Variants in NFIB observed in about 807,000 individuals in gnomAD.
NFIB encodes nuclear factor 1 B-type.
In NFIB, 11 loss-of-function variants were observed where a neutral mutation model predicts 61.5. The ratio of observed to expected loss-of-function variants is 0.18; its 90% CI spans 0.11 to 0.30. NFIB has a LOEUF of 0.30. Among genes scored for constraint, NFIB ranks in the 10% least tolerant of loss-of-function variants. The pLI is 1.00. For synonymous variants in NFIB, 260 were observed against 216.5 expected (o/e 1.20, Z -1.76); for missense variants, 471 against 608.9 (o/e 0.77, Z 2.38).
At chr9:14,378,603 C>T (rs796069351) in intron 1 of NFIB, among the ~76,000 whole-genome samples, 2 of 152,244 alleles carry the variant, frequency 1.3e-5, no homozygotes, top group South Asian at 4.1e-4. Context: ...AATCCACCCG[C>T]ATGGGCCTCC....
At chr9:14,446,845 CTTATT>C in the NFIB span, among the ~76,000 whole-genome samples, 4 of 152,126 alleles carry the variant, frequency 2.6e-5, no homozygotes, top group African/African-American at 7.2e-5. Context: ...TTTTAACAAT[CTTATT>C]TTATCTTTCT....
intron 4 of NFIB, among the ~76,000 whole-genome samples, chr9:14,152,736 T>C (rs959780081): frequency 4.6e-5 from 7 of 152,114 alleles, no homozygotes; most frequent in African/African-American, 7.2e-5. Context: ...ATTGTTTTTT[T>C]CTAAATTTTG....
intron 2 of NFIB, among the ~76,000 whole-genome samples, chr9:14,218,592 G>A (rs1263421896): frequency 6.6e-6 from 1 of 152,160 alleles, no homozygotes; most frequent in African/African-American, 2.4e-5. Flanking sequence ...ATGAACAAAT[G>A]AATTTTCTTC....
the NFIB span, among the ~76,000 whole-genome samples, chr9:14,452,892 G>A: frequency 6.6e-6 from 1 of 152,204 alleles, no homozygotes; most frequent in Non-Finnish European, 1.5e-5. Context: ...CACACATGTG[G>A]TTAAATAAAA....
At position 14,272,622 on chromosome 9, in the gene NFIB, G is replaced by A. The variant is rs114595228; in HGVS notation, c.562+34367C>T. 9.6e-3 allele frequency among the ~76,000 whole-genome samples: 1,351 copies of A among 140,068 alleles called. 19 individuals are homozygous for A. Among genetic ancestry groups the A allele is most frequent in the African/African-American group, 0.034 (1,258 of 37,414 alleles). The allele number at this position is 140,068 out of a possible 152,430, so 91.9% of individuals were successfully genotyped here. ...CATATGACTCTTGCTAAATAACATC[G>A]GCCTGCTCCACTTTATCTTCTACCT... On this transcript the variant is annotated intron_variant, in intron 2 of 10. Transcript: ENST00000380953.
At chr9:14,488,342 A>G in the NFIB span, among the ~76,000 whole-genome samples, 7 of 151,304 alleles carry the variant, frequency 4.6e-5, no homozygotes, top group African/African-American at 1.7e-4. Context: ...CAATCTGGAC[A>G]ACAGAGCAAG....
intron 1 of NFIB, among the ~76,000 whole-genome samples, chr9:14,379,564 T>C (rs993371945): frequency 6.6e-5 from 10 of 152,212 alleles, no homozygotes; most frequent in African/African-American, 2.4e-4. Flanking sequence ...AGTCCTTATG[T>C]CACTGTGGTA....
At position 14,086,780 on chromosome 9, in the gene NFIB, GTT is replaced by G. The variant is rs770203746; in HGVS notation, c.*1527_*1528del. 51 of 167,202 alleles carry G rather than the reference GTT, an allele frequency of 3.1e-4. No individual in the cohort carries two copies. The highest frequency in any genetic ancestry group is 4.2e-4 in the Non-Finnish European group (34 of 81,366). The allele number at this position is 167,202 out of a possible 1,614,324, so 10.4% of individuals were successfully genotyped here. On this transcript the variant is annotated 3_prime_UTR_variant, in exon 11 of 11. Transcript: ENST00000380953. Reference sequence around the variant, plus strand: ...TGATGTCACTTTGTTGTATTTTTTTGTTTTTTTTTTTTTGTTTTTTGTTTTTT... The same window carrying G: ...TGATGTCACTTTGTTGTATTTTTTTGTTTTTTTTTTTGTTTTTTGTTTTTT...
chr9:14,313,466 C>A lies in NFIB; in HGVS notation c.30+16G>T, dbSNP rs779755493. 6.2e-7 allele frequency: 1 copy of A among 1,613,402 alleles called. No homozygotes were observed. The highest frequency in any genetic ancestry group is 8.5e-7 in the Non-Finnish European group (1 of 1,179,674). ...GGGCCAGAGAGAAAGCTCGAGAAAG[C>A]GACCGAGACATGTACCTGAGTGAGA... is the stretch of plus-strand genomic sequence containing the variant. On this transcript the variant is annotated intron_variant, in intron 1 of 10. Coordinates refer to ENST00000380953, the MANE Select transcript of NFIB (RefSeq NM_001190737.2). This position sits in a 1 kb window ranked among gnomAD's most constrained non-coding sequence, Gnocchi z 4.5.
chr9:14,155,052 G>A (rs1271056543), intron 4 of NFIB, among the ~76,000 whole-genome samples: 1 of 152,100 alleles, frequency 6.6e-6, no homozygotes, highest in East Asian at 1.9e-4. Context: ...CAAAATGTCA[G>A]GTGAAAATAT....
the NFIB span, among the ~76,000 whole-genome samples, chr9:14,420,370 C>T: frequency 1.1e-4 from 15 of 132,592 alleles, no homozygotes; most frequent in African/African-American, 4.2e-4. Context: ...CACTTGAACC[C>T]GGGAGGTGGA....
intron 2 of NFIB, among the ~76,000 whole-genome samples, chr9:14,273,835 C>A (rs972329548): frequency 4.6e-5 from 7 of 152,094 alleles, no homozygotes; most frequent in African/African-American, 1.7e-4. Flanking sequence ...AGCTGAGCTG[C>A]AAAGGAAAAG....
At chr9:14,366,453 T>C (rs906845355) in intron 1 of NFIB, among the ~76,000 whole-genome samples, 13 of 152,162 alleles carry the variant, frequency 8.5e-5, no homozygotes, top group African/African-American at 3.1e-4. Flanking sequence ...CTTTCCTTTC[T>C]GTAACCTTCT....
At chr9:14,351,845 C>G (rs2061116573) in intron 1 of NFIB, among the ~76,000 whole-genome samples, 1 of 152,180 alleles carries the variant, frequency 6.6e-6, no homozygotes, top group African/African-American at 2.4e-5. Flanking sequence ...AACTGAGGCA[C>G]AGATTCCTTC....
intron 10 of NFIB, among the ~76,000 whole-genome samples, chr9:14,109,377 T>G (rs2037020301): frequency 6.6e-6 from 1 of 151,984 alleles, no homozygotes; most frequent in Non-Finnish European, 1.5e-5. Flanking sequence ...TATACTGCAT[T>G]TTACTGAACT....
At chr9:14,362,181 C>G (rs2061248617) in intron 1 of NFIB, 1 of 152,062 alleles carries the variant, frequency 6.6e-6, no homozygotes, top group Non-Finnish European at 1.5e-5. Context: ...AATCAAATAC[C>G]CCAACATTTG....
At chr9:14,385,772 A>G (rs1299698320) in intron 1 of NFIB, among the ~76,000 whole-genome samples, 2 of 150,494 alleles carry the variant, frequency 1.3e-5, no homozygotes, top group Admixed American at 6.6e-5. Context: ...GGGATCAGAG[A>G]CACAGTGGAA....
chr9:14,488,883 G>C, the NFIB span, among the ~76,000 whole-genome samples: 1 of 152,210 alleles, frequency 6.6e-6, no homozygotes, highest in South Asian at 2.1e-4. Context: ...GATTGGATAT[G>C]CTTTCTCTGT....
At chr9:14,109,958 G>A (rs965395215) in intron 10 of NFIB, among the ~76,000 whole-genome samples, 5 of 152,000 alleles carry the variant, frequency 3.3e-5, no homozygotes, top group African/African-American at 1.2e-4. Context: ...ACACAAAGAT[G>A]TATAATTACT....
Sources: gnomAD v4.1 joint callset for allele counts (sites outside exome capture counted in the v4.1 genomes callset) on GRCh38, gnomAD v4.1.1 for gene constraint, Gnocchi (gnomAD v3.1) non-coding constraint, MANE v1.5 for transcripts, NCBI Gene and HGNC (gene_info 2026-07-23, HGNC 2026-07-21) for gene names.